The following SH3BGRL2 variants were observed in gnomAD, a reference collection of about 807,000 sequenced individuals.
SH3BGRL2 encodes SH3 domain-binding glutamic acid-rich-like protein 2.
Under a neutral mutation model 14.8 loss-of-function variants are expected in SH3BGRL2, and 21 were observed. The observed-to-expected ratio is 1.42, with a 90% CI of 1.01 to 2.05. SH3BGRL2 has a LOEUF of 2.05. Among genes scored for constraint, SH3BGRL2 ranks in the 30% most tolerant of loss-of-function variants. SH3BGRL2 has a pLI of 0.00. For missense variants in SH3BGRL2, 147 were observed against 130.8 expected (o/e 1.12, Z -0.61); for synonymous variants, 50 against 47.8 (o/e 1.05, Z -0.19).
At chr6:79,566,231 C>G in the SH3BGRL2 span, among the ~76,000 whole-genome samples, 1 of 152,264 alleles carries the variant, frequency 6.6e-6, no homozygotes, top group Admixed American at 6.5e-5. Flanking sequence ...TCTAGGAGAG[C>G]ATGGACTTCT....
At chr6:79,618,972 C>T in the SH3BGRL2 span, among the ~76,000 whole-genome samples, 1 of 146,412 alleles carries the variant, frequency 6.8e-6, no homozygotes, top group African/African-American at 2.5e-5. Flanking sequence ...CGAAAGTCAC[C>T]CGTGTGTAAT....
intron 1 of SH3BGRL2, among the ~76,000 whole-genome samples, chr6:79,672,191 C>T (rs999918361): frequency 6.6e-6 from 1 of 152,156 alleles, no homozygotes; most frequent in Non-Finnish European, 1.5e-5. Flanking sequence ...TGCCACCTCT[C>T]TCTCATTAAA....
At chr6:79,604,377 G>A in the SH3BGRL2 span, among the ~76,000 whole-genome samples, 1,394 of 152,270 alleles carry the variant, frequency 9.2e-3, 10 homozygotes, top group South Asian at 0.032. Context: ...GAGTTGTCTC[G>A]ATTTAGCTTG....
intron 2 of SH3BGRL2, among the ~76,000 whole-genome samples, chr6:79,683,504 G>A (rs1041907252): frequency 1.3e-5 from 2 of 151,386 alleles, no homozygotes; most frequent in African/African-American, 4.9e-5. Flanking sequence ...TGTTGCCCAG[G>A]CTGCAGTGTA....
chr6:79,678,194 A>G (rs1769922691), intron 2 of SH3BGRL2, among the ~76,000 whole-genome samples: 1 of 152,208 alleles, frequency 6.6e-6, no homozygotes, highest in East Asian at 1.9e-4. Context: ...TTTTAAGTGT[A>G]CAGTTCAGTA....
the SH3BGRL2 span, among the ~76,000 whole-genome samples, chr6:79,568,598 C>T: frequency 6.6e-6 from 1 of 152,062 alleles, no homozygotes; most frequent in Non-Finnish European, 1.5e-5. Flanking sequence ...AATGATAACC[C>T]ATAGCTCAAG....
intron 1 of SH3BGRL2, among the ~76,000 whole-genome samples, chr6:79,666,608 G>A (rs1769664716): frequency 6.6e-6 from 1 of 152,168 alleles, no homozygotes; most frequent in Non-Finnish European, 1.5e-5. Context: ...ACAAGGGAAA[G>A]AGCCTCAGCC....
intron 1 of SH3BGRL2, among the ~76,000 whole-genome samples, chr6:79,662,203 TA>T (rs774622829): frequency 2.8e-4 from 43 of 152,214 alleles, no homozygotes; most frequent in Non-Finnish European, 5.6e-4. Flanking sequence ...GTTAGCTGGT[TA>T]TTTTGCCCAT....
the SH3BGRL2 span, among the ~76,000 whole-genome samples, chr6:79,591,703 G>A: frequency 1.2e-4 from 18 of 152,260 alleles, no homozygotes; most frequent in East Asian, 2.7e-3. Context: ...CACTGCACCC[G>A]GCCCTATCAT....
At chr6:79,581,838 T>C in the SH3BGRL2 span, among the ~76,000 whole-genome samples, 3 of 152,122 alleles carry the variant, frequency 2.0e-5, no homozygotes, top group Admixed American at 6.5e-5. Context: ...AATGAGGAAG[T>C]CAAATTGTCC....
Position 79,680,744 on chromosome 6 carries a change from T to G in SH3BGRL2, c.231+6945T>G, listed in dbSNP as rs558480498. On this transcript the variant is annotated intron_variant, in intron 2 of 3. Coordinates refer to ENST00000369838, the MANE Select transcript of SH3BGRL2 (RefSeq NM_031469.4). ...TTATTTGAATCTCCTTTAATTTTTT[T>G]CAGCATGTTTTGTAGTTTTCAGTGT... Among the ~76,000 whole-genome samples the G allele has an allele frequency of 9.3e-4, 141 of 152,292 alleles. 1 individual carries two copies. Among genetic ancestry groups the G allele is most frequent in the African/African-American group, 3.3e-3 (138 of 41,572 alleles).
chr6:79,619,702 C>CT, the SH3BGRL2 span, among the ~76,000 whole-genome samples: 1 of 152,140 alleles, frequency 6.6e-6, no homozygotes, highest in African/African-American at 2.4e-5. Flanking sequence ...CCCCATCACC[C>CT]TGAGCTTTTT....
At chr6:79,570,145 T>A in the SH3BGRL2 span, among the ~76,000 whole-genome samples, 13 of 152,294 alleles carry the variant, frequency 8.5e-5, no homozygotes, top group Admixed American at 8.5e-4. Context: ...TAAGAACATA[T>A]GGTAGTTACA....
chr6:79,558,505 A>G, the SH3BGRL2 span, among the ~76,000 whole-genome samples: 2 of 152,198 alleles, frequency 1.3e-5, no homozygotes, highest in Non-Finnish European at 2.9e-5. Flanking sequence ...AACAGAATAC[A>G]CTAACTATAT....
the SH3BGRL2 span, among the ~76,000 whole-genome samples, chr6:79,546,977 G>A: frequency 1.3e-5 from 2 of 152,144 alleles, no homozygotes; most frequent in African/African-American, 4.8e-5. Flanking sequence ...ACTGGGCCTG[G>A]CCTAAGTTGA....
chr6:79,646,285 C>T (rs1037627556), intron 1 of SH3BGRL2, among the ~76,000 whole-genome samples: 10 of 152,194 alleles, frequency 6.6e-5, no homozygotes, highest in Admixed American at 2.0e-4. Context: ...CTGAAGAGAT[C>T]GTTTAATTCA....
chr6:79,601,599 A>G, the SH3BGRL2 span, among the ~76,000 whole-genome samples: 1 of 152,210 alleles, frequency 6.6e-6, no homozygotes, highest in Admixed American at 6.5e-5. Context: ...AAGTTAAACC[A>G]TTTAGTTGAT....
intron 1 of SH3BGRL2, among the ~76,000 whole-genome samples, chr6:79,632,658 C>T (rs1768847643): frequency 6.6e-6 from 1 of 152,148 alleles, no homozygotes; most frequent in African/African-American, 2.4e-5. Flanking sequence ...CCCCTCCACC[C>T]CCATTTGCAC....
At chr6:79,579,827 A>G in the SH3BGRL2 span, among the ~76,000 whole-genome samples, 2 of 152,210 alleles carry the variant, frequency 1.3e-5, no homozygotes, top group Admixed American at 1.3e-4. Context: ...AATGGGCTAA[A>G]TGCCCCAATT....
Sources: allele counts gnomAD v4.1 joint callset (sites outside exome capture counted in the v4.1 genomes callset), GRCh38; gene constraint gnomAD v4.1.1; transcripts MANE v1.5; gene names NCBI Gene and HGNC (gene_info 2026-07-23, HGNC 2026-07-21).